TBX22: variants seen among roughly 807,000 people sequenced by gnomAD.
TBX22 encodes T-box transcription factor TBX22.
TBX22 carries 8 observed loss-of-function variants against 30.1 expected under a neutral mutation model. The ratio of observed to expected loss-of-function variants is 0.27; its 90% confidence interval spans 0.16 to 0.48. TBX22 has a LOEUF of 0.48. TBX22 is among the 20% of genes least tolerant of loss of function. The pLI, the probability that TBX22 is intolerant of heterozygous loss-of-function variation, is 0.99. For missense variants in TBX22, 463 were observed against 400.5 expected (o/e 1.16, Z -1.33); for synonymous variants, 173 against 149.1 (o/e 1.16, Z -1.17).
At position 80,027,260 on chromosome X, in the gene TBX22, C is replaced by T. The variant is rs769176901; in HGVS notation, c.803C>T (p.Thr268Met). ...TVTAYQNQQI[T>M]KLKIERNPFA... ...CTCTCTCTATTGAATCCATAGATTA[C>T]GAAACTAAAAATAGAAAGAAATCCT... The change falls in exon 7 of 9, where the codon ACG becomes ATG. Residue 268 changes from threonine (T) to methionine (M), a missense_variant. Physicochemically the swap from Thr to Met is moderately conservative, Grantham distance 81. Coordinates refer to ENST00000373296, the MANE Select transcript of TBX22 (RefSeq NM_001109878.2). The T allele has an allele frequency of 3.8e-6, 4 of 1,044,305 alleles. No homozygotes were observed. The highest frequency in any genetic ancestry group is 3.8e-5 in the South Asian group (2 of 52,836). The allele number at this position is 1,044,305 out of a possible 1,213,427, so 86.1% of individuals were successfully genotyped here. A position where few individuals can be genotyped will look rare whatever the true frequency, so the allele number is the denominator to read the frequency against.
intron 1 of TBX22, 92 bp downstream of exon 1, chrX:80,014,979 T>A (rs1437435544): frequency 9.0e-6 from 1 of 111,545 alleles, no homozygotes; most frequent in Non-Finnish European, 1.9e-5. Flanking sequence ...CTGTTAACTA[T>A]CACTAACCAA....
intron 8 of TBX22, among the ~76,000 whole-genome samples, chrX:80,029,507 A>G (rs759858894): frequency 8.9e-6 from 1 of 112,247 alleles, no homozygotes; most frequent in African/African-American, 3.2e-5. Flanking sequence ...GCAGTATGGA[A>G]ATTGCCCCAT....
rs1029502810 is a variant in TBX22 at position 80,030,510 on chromosome X, G to A, written c.962G>A (p.Gly321Asp). The change falls in exon 9 of 9, where the codon GGC becomes GAC. Residue 321 changes from glycine (G) to aspartate (D), a missense_variant. By Grantham distance (94) the Gly-to-Asp change is moderately conservative (BLOSUM62 -1). Transcript: ENST00000373296. ...TTGTCATTCACAGGTGGAAGCAGTGGCTCATCTCCAGTGACCTCTAGTGGA... is the reference window on the plus strand; with the variant it reads ...TTGTCATTCACAGGTGGAAGCAGTGACTCATCTCCAGTGACCTCTAGTGGA... ...FGADTQSGSS[G>D]SSPVTSSGGA... 4 of 1,209,527 alleles carry A rather than the reference G, an allele frequency of 3.3e-6. No homozygotes were observed. In the African/African-American group the frequency reaches 7.0e-5, roughly 21 times the overall value.
chrX:80,030,915 C>G lies in TBX22; in HGVS notation c.1367C>G (p.Pro456Arg). Reference sequence around the variant, plus strand: ...CAGTCACCTGGAAATATTTTTCTGCCAAACTCCATCACCCCAGAAGCACTT... The same window carrying G: ...CAGTCACCTGGAAATATTTTTCTGCGAAACTCCATCACCCCAGAAGCACTT... ...GLQSPGNIFL[P>R]NSITPEALSC... Residue 456 changes from proline (P) to arginine (R), a missense_variant, in exon 9 of 9, where the codon CCA becomes CGA. Pro to Arg is a moderately radical substitution (Grantham distance 103, BLOSUM62 -2). Transcript: ENST00000373296. The G allele has an allele frequency of 8.3e-7, 1 of 1,211,034 alleles. No homozygotes were observed. Among genetic ancestry groups the G allele is most frequent in the Non-Finnish European group, 1.1e-6 (1 of 894,629 alleles).
intron 1 of TBX22, among the ~76,000 whole-genome samples, chrX:80,018,466 C>T (rs1923544744): frequency 9.0e-6 from 1 of 111,392 alleles, no homozygotes; most frequent in African/African-American, 3.3e-5. Context: ...GGTGGCTTTC[C>T]TAAAGACTTT....
rs780351248 is a variant in TBX22, at chrX:80,023,070, T to G, written c.186T>G (p.Pro62=). ...TTCTGTGTCCAGCAGAAAAACAACC[T>G]AAGACAGAGCCCTCAACATCTGCTT... ...AGKSEPLEKQ[P]KTEPSTSASS... Residue 62 remains proline, a synonymous_variant, in exon 3 of 9, where the codon CCT becomes CCG. Coordinates refer to ENST00000373296, the MANE Select transcript of TBX22 (RefSeq NM_001109878.2). The G allele has an allele frequency of 2.5e-5, 30 of 1,209,286 alleles. No homozygotes were observed. The highest frequency in any genetic ancestry group is 3.4e-5 in the Non-Finnish European group (30 of 895,001).
chrX:80,015,814 T>C (rs928898119), intron 1 of TBX22, among the ~76,000 whole-genome samples: 3 of 112,490 alleles, frequency 2.7e-5, no homozygotes, highest in African/African-American at 3.2e-5. Context: ...ATTTCTCTTT[T>C]GTATTTTTTA....
intron 8 of TBX22, among the ~76,000 whole-genome samples, chrX:80,030,223 T>G (rs1321718613): frequency 8.9e-6 from 1 of 112,039 alleles, no homozygotes; most frequent in Non-Finnish European, 1.9e-5. Context: ...CTCACTGGCC[T>G]GCTGATCACC....
chrX:80,026,982 T>A, intron 6 of TBX22, 114 bp downstream of exon 6: 1 of 824,402 alleles, frequency 1.2e-6, no homozygotes. Flanking sequence ...ATAAAAATCA[T>A]AGTTTTATTG....
chrX:80,020,694 C>T (rs1434342344), intron 1 of TBX22, among the ~76,000 whole-genome samples: 1 of 111,523 alleles, frequency 9.0e-6, no homozygotes. Context: ...CCCCCTACCA[C>T]CACCACTACC....
Position 80,026,690 on chromosome X carries a change from C to T in TBX22, c.634-14C>T. On this transcript the variant is annotated splice_polypyrimidine_tract_variant and intron_variant, in intron 5 of 8. Coordinates refer to ENST00000373296, the MANE Select transcript of TBX22 (RefSeq NM_001109878.2). Reference sequence around the variant, plus strand: ...AGCCAGTTTTTCTAACAGCATTGATCATTTCTCCTCCAGATCATTCTGCAA... The same window carrying T: ...AGCCAGTTTTTCTAACAGCATTGATTATTTCTCCTCCAGATCATTCTGCAA... 1 of 1,210,551 alleles carries T rather than the reference C, an allele frequency of 8.3e-7. No individual in the cohort carries two copies. Among genetic ancestry groups the T allele is most frequent in the Non-Finnish European group, 1.1e-6 (1 of 894,553 alleles).
chrX:80,025,673 T>C lies in TBX22; in HGVS notation c.529T>C (p.Tyr177His), dbSNP rs1222428638. The change falls in exon 5 of 9, where the codon TAT (tyrosine) becomes CAT (histidine). Residue 177 changes from tyrosine (Y) to histidine (H), a missense_variant. Transcript: ENST00000373296. Reference protein sequence around the residue: ...TDHLCIIPRFYVHPDSPCSGE... With the variant: ...TDHLCIIPRFHVHPDSPCSGE... The stretch of plus-strand genomic sequence containing the variant: ...CCATTTGTGCATCATTCCTAGATTC[T>C]ATGTTCACCCGGACTCACCCTGCTC... 1.1e-5 allele frequency: 13 copies of C among 1,207,530 alleles called. No homozygotes were observed. The highest frequency in any genetic ancestry group is 1.8e-5 in the African/African-American group (1 of 57,062).
chrX:80,020,684 C>T (rs1923650441), intron 1 of TBX22, among the ~76,000 whole-genome samples: 1 of 111,341 alleles, frequency 9.0e-6, no homozygotes, highest in Non-Finnish European at 1.9e-5. Context: ...GGCTGAATAT[C>T]CCCCTACCAC....
intron 4 of TBX22, 76 bp downstream of exon 4, chrX:80,024,240 C>A: frequency 1.1e-6 from 1 of 952,189 alleles, no homozygotes; most frequent in Non-Finnish European, 1.5e-6. Flanking sequence ...TGAAACCTGA[C>A]AGCATGACTT....
rs1924061476 is a variant in TBX22, at chrX:80,028,002, A to T, written c.875A>T (p.Asp292Val). Residue 292 changes from aspartate to valine, a missense_variant, in exon 8 of 9, where the codon GAT becomes GTT. By Grantham distance (152) the Asp-to-Val change is radical. Transcript: ENST00000373296. ...ACTCTCTTTTTTAGGGGTGTATTGG[A>T]TGGGCTTTTAGAGACCTACCCATGG... ...RDTGRNRGVL[D>V]GLLETYPWRP... 1.7e-6 allele frequency: 2 copies of T among 1,209,003 alleles called. No individual in the cohort carries two copies. The highest frequency in any genetic ancestry group is 3.5e-5 in the African/African-American group (2 of 57,706).
chrX:80,030,501 G>T lies in TBX22; in HGVS notation c.953G>T (p.Gly318Val). 8.3e-7 allele frequency: 1 copy of T among 1,211,460 alleles called. No homozygotes were observed. The change falls in exon 9 of 9, where the codon GGA becomes GTA. Residue 318 changes from glycine (G) to valine (V), a missense_variant. Gly to Val is a moderately radical substitution (Grantham distance 109, BLOSUM62 -3). Transcript: ENST00000373296. ...FKTFGADTQSGSSGSSPVTSS... is the reference protein window; with the variant it reads ...FKTFGADTQSVSSGSSPVTSS... ...TTGGCTGAATTGTCATTCACAGGTG[G>T]AAGCAGTGGCTCATCTCCAGTGACC...
chrX:80,028,226 G>A (rs1191792919), intron 8 of TBX22, 150 bp downstream of exon 8: 2 of 485,779 alleles, frequency 4.1e-6, no homozygotes, highest in Non-Finnish European at 7.0e-6. Flanking sequence ...CCTGAATGAC[G>A]AGGTAAGAGG....
intron 1 of TBX22, among the ~76,000 whole-genome samples, chrX:80,016,129 A>G (rs1390851834): frequency 8.9e-6 from 1 of 112,383 alleles, no homozygotes; most frequent in East Asian, 2.8e-4. Context: ...AAAAGCCCTG[A>G]TTAAATACAG....
At chrX:80,027,621 C>T (rs1416283868) in intron 7 of TBX22, among the ~76,000 whole-genome samples, 1 of 112,015 alleles carries the variant, frequency 8.9e-6, no homozygotes, top group African/African-American at 3.2e-5. Flanking sequence ...TCGTGATCTG[C>T]CCGCCTCAGC....
Sources: allele counts gnomAD v4.1 joint callset (sites outside exome capture counted in the v4.1 genomes callset), GRCh38; gene constraint gnomAD v4.1.1; transcripts MANE v1.5; gene names NCBI Gene and HGNC (gene_info 2026-07-23, HGNC 2026-07-21).